Variants in GAS2 observed in about 807,000 individuals in gnomAD.
GAS2 encodes growth arrest-specific protein 2.
In GAS2, 20 loss-of-function variants were observed where a neutral mutation model predicts 37.5. That is an observed-to-expected ratio of 0.53 (90% CI 0.37 to 0.77). GAS2 has a LOEUF of 0.77. GAS2 is among the 30% of genes least tolerant of loss of function. GAS2 has a pLI of 0.00. For missense variants in GAS2, 336 were observed against 373.4 expected, an observed-to-expected ratio of 0.90 and a Z score of 0.82; for synonymous variants, 144 against 132.2, an observed-to-expected ratio of 1.09 and a Z score of -0.61.
At chr11:22,674,729 A>T in intron 1 of GAS2, 121 bp from the exon 2 acceptor site, 1 of 702,374 alleles carries the variant, frequency 1.4e-6, no homozygotes, top group Non-Finnish European at 2.2e-6. Context: ...TGGGGTTAAT[A>T]ATTAATAAAC....
At chr11:22,777,318 G>T (rs1397835392) in intron 7 of GAS2, among the ~76,000 whole-genome samples, 4 of 152,186 alleles carry the variant, frequency 2.6e-5, no homozygotes, top group Non-Finnish European at 1.5e-5. Context: ...CTGGATAGAA[G>T]CCATGGCTTC....
At chr11:22,677,058 A>T (rs1399168159) in intron 2 of GAS2, among the ~76,000 whole-genome samples, 1 of 152,202 alleles carries the variant, frequency 6.6e-6, no homozygotes, top group Non-Finnish European at 1.5e-5. Context: ...AAGAATAAAC[A>T]TAGTACCTAT....
At chr11:22,661,391 A>T (rs1848914181) in intron 1 of GAS2, among the ~76,000 whole-genome samples, 1 of 152,154 alleles carries the variant, frequency 6.6e-6, no homozygotes, top group Non-Finnish European at 1.5e-5. Context: ...TGTGATAAAG[A>T]TTTGAAATAT....
rs554912082 is a variant in GAS2, at chr11:22,725,655, G to A, written c.268-637G>A. Among the ~76,000 whole-genome samples, 6 of 152,104 alleles carry A rather than the reference G, an allele frequency of 3.9e-5. No homozygotes were observed. The South Asian group carries it at 1.2e-3, about 32-fold the overall frequency. ...TTGCCCAGGTTAGTCACGAACTCCT[G>A]GACTCCAATCCTCCTGCCTCGGCCT... On this transcript the variant is annotated intron_variant, in intron 3 of 7. Transcript: ENST00000454584.
chr11:22,727,722 A>G (rs1473558068), intron 4 of GAS2, among the ~76,000 whole-genome samples: 2 of 152,040 alleles, frequency 1.3e-5, no homozygotes, highest in Non-Finnish European at 2.9e-5. Flanking sequence ...TATTATTACC[A>G]TTTCCTCATA....
chr11:22,682,836 C>T (rs572772503), intron 2 of GAS2, among the ~76,000 whole-genome samples: 37 of 134,144 alleles, frequency 2.8e-4, no homozygotes, highest in Non-Finnish European at 5.1e-4. Flanking sequence ...GATCGCACCA[C>T]TGCACTCCAG....
Position 22,637,256 on chromosome 11 carries a change from C to T in GAS2, c.-21+11443C>T, listed in dbSNP as rs1395923377. Among the ~76,000 whole-genome samples the T allele has an allele frequency of 1.1e-3, 9 of 8,508 alleles. 2 individuals are homozygous for T. The highest frequency in any genetic ancestry group is 4.0e-3 in the Admixed American group (2 of 500). 5.6% of individuals were successfully genotyped at this position (8,508 alleles called of 152,430 possible). A position where few individuals can be genotyped will look rare whatever the true frequency, so the allele number is the denominator to read the frequency against. ...TAATATTAATTATATTAATAGTATACTAATATATTAATTATATTAATAGTA... is the reference window on the plus strand; with the variant it reads ...TAATATTAATTATATTAATAGTATATTAATATATTAATTATATTAATAGTA... On this transcript the variant is annotated intron_variant, in intron 1 of 5. Transcript: ENST00000528582.
At chr11:22,753,944 C>A (rs147994708) in intron 6 of GAS2, among the ~76,000 whole-genome samples, 2,101 of 152,134 alleles carry the variant, frequency 0.014, 57 homozygotes, top group African/African-American at 0.048. Flanking sequence ...AAATGATGTG[C>A]TCTTTATTCA....
intron 3 of GAS2, among the ~76,000 whole-genome samples, chr11:22,715,474 A>AG (rs1851624739): frequency 6.7e-6 from 1 of 149,342 alleles, no homozygotes; most frequent in African/African-American, 2.4e-5. Flanking sequence ...AAAAAAAAAA[A>AG]AAAAAAAAAG....
chr11:22,741,287 G>A (rs566720967), intron 5 of GAS2, among the ~76,000 whole-genome samples: 1 of 145,768 alleles, frequency 6.9e-6, no homozygotes, highest in Admixed American at 7.1e-5. Flanking sequence ...ATCAGTTTCT[G>A]AATATAAAAT....
chr11:22,795,198 A>G (rs949810156), intron 7 of GAS2, among the ~76,000 whole-genome samples: 1 of 152,198 alleles, frequency 6.6e-6, no homozygotes, highest in Non-Finnish European at 1.5e-5. Flanking sequence ...AATATTGTAA[A>G]GGATATACTT....
chr11:22,778,523 T>G (rs185459409), intron 7 of GAS2, among the ~76,000 whole-genome samples: 2 of 152,170 alleles, frequency 1.3e-5, no homozygotes, highest in Non-Finnish European at 2.9e-5. Flanking sequence ...TCCAAGGAAG[T>G]GATATTTGAA....
At chr11:22,777,813 T>TGCCAATATCTCCATG (rs1855338882) in intron 7 of GAS2, among the ~76,000 whole-genome samples, 1 of 152,234 alleles carries the variant, frequency 6.6e-6, no homozygotes, top group Admixed American at 6.5e-5. Flanking sequence ...TTGGAGATAC[T>TGCCAATATCTCCATG]GAGCAATAGC....
intron 3 of GAS2, among the ~76,000 whole-genome samples, chr11:22,690,395 A>T (rs147672779): frequency 0.013 from 1,987 of 152,246 alleles, 22 homozygotes; most frequent in Middle Eastern, 0.031. Context: ...CAATTTAAAA[A>T]TAGCTTCTTT....
chr11:22,721,019 G>A (rs1480665962), intron 3 of GAS2, among the ~76,000 whole-genome samples: 1 of 152,028 alleles, frequency 6.6e-6, no homozygotes, highest in East Asian at 1.9e-4. Context: ...AAGTGTAGGA[G>A]CACAAGAGAC....
At chr11:22,777,410 A>T (rs571339376) in intron 7 of GAS2, among the ~76,000 whole-genome samples, 11 of 152,330 alleles carry the variant, frequency 7.2e-5, no homozygotes, top group African/African-American at 2.6e-4. Flanking sequence ...TCCATGAAGC[A>T]GCATTATTTA....
chr11:22,788,595 T>C (rs1855933630), intron 7 of GAS2, among the ~76,000 whole-genome samples: 1 of 152,190 alleles, frequency 6.6e-6, no homozygotes, highest in Non-Finnish European at 1.5e-5. Context: ...AGATCAAAAG[T>C]GATTTTTATA....
chr11:22,734,298 A>G (rs1052098267), intron 4 of GAS2, among the ~76,000 whole-genome samples: 6 of 151,792 alleles, frequency 4.0e-5, no homozygotes, highest in Admixed American at 6.6e-5. Context: ...ACTTAGCATC[A>G]ACTTGTAATT....
In GAS2 at chr11:22,812,051, G is replaced by C; in HGVS notation, c.*35G>C. ...GTCATGACAAGGGGACCCTCATAAT[G>C]GCCTGTATCCACTTCTCCAGTATAG... On this transcript the variant is annotated 3_prime_UTR_variant, in exon 8 of 8. Coordinates refer to ENST00000454584, the MANE Select transcript of GAS2 (RefSeq NM_001143830.3). 1 of 1,474,486 alleles carries C rather than the reference G, an allele frequency of 6.8e-7. No individual in the cohort carries two copies. The highest frequency in any genetic ancestry group is 9.5e-7 in the Non-Finnish European group (1 of 1,053,400). 91.3% of individuals were successfully genotyped at this position (1,474,486 alleles called of 1,614,324 possible).
Sources: gnomAD v4.1 joint callset for allele counts (sites outside exome capture counted in the v4.1 genomes callset) on GRCh38, gnomAD v4.1.1 for gene constraint, MANE v1.5 for transcripts, NCBI Gene and HGNC (gene_info 2026-07-23, HGNC 2026-07-21) for gene names.